Variants in PTPRD observed in about 807,000 individuals in gnomAD.
PTPRD encodes the protein protein tyrosine phosphatase receptor type D.
PTPRD carries 34 observed loss-of-function variants against 214.5 expected under a neutral mutation model. The observed-to-expected ratio is 0.16, with a 90% CI of 0.12 to 0.21. PTPRD has a LOEUF of 0.21. Among genes scored for constraint, PTPRD ranks in the 10% least tolerant of loss-of-function variants. The pLI is 1.00. For missense variants in PTPRD, 2,545 were observed against 2,398.7 expected (o/e 1.06, Z -1.27); for synonymous variants, 1,128 against 845.7 (o/e 1.33, Z -5.79).
chr9:10,490,621 C>T (rs921853677), intron 2 of PTPRD, among the ~76,000 whole-genome samples: 2 of 152,074 alleles, frequency 1.3e-5, no homozygotes, highest in African/African-American at 4.8e-5. Flanking sequence ...GCAATCTGGT[C>T]TCAATTTGCT....
At chr9:8,538,652 C>T (rs2077554331) in intron 14 of PTPRD, among the ~76,000 whole-genome samples, 1 of 151,030 alleles carries the variant, frequency 6.6e-6, no homozygotes, top group South Asian at 2.1e-4. Context: ...TATACATATA[C>T]TATACATATT....
intron 9 of PTPRD, among the ~76,000 whole-genome samples, chr9:9,218,292 G>C (rs1218306107): frequency 6.6e-6 from 1 of 152,096 alleles, no homozygotes; most frequent in Non-Finnish European, 1.5e-5. Context: ...ATCCGGATTA[G>C]ATAGGCCTTG....
At chr9:9,173,714 G>A (rs11792126) in intron 10 of PTPRD, among the ~76,000 whole-genome samples, 11,030 of 152,142 alleles carry the variant, frequency 0.072, 447 homozygotes, top group Middle Eastern at 0.15. Context: ...CAGGACCACT[G>A]CTGTATATGC....
intron 3 of PTPRD, among the ~76,000 whole-genome samples, chr9:10,164,199 T>A (rs187018226): frequency 6.6e-6 from 1 of 151,686 alleles, no homozygotes; most frequent in Admixed American, 6.6e-5. Context: ...ACACATATAA[T>A]AATATCTTCA....
At chr9:10,364,039 G>T (rs1218185324) in intron 2 of PTPRD, among the ~76,000 whole-genome samples, 1 of 105,448 alleles carries the variant, frequency 9.5e-6, no homozygotes, top group Non-Finnish European at 1.7e-5. Context: ...TTGCTCTGTT[G>T]CCCAGGCTGG....
intron 3 of PTPRD, among the ~76,000 whole-genome samples, chr9:10,144,361 T>A (rs1470744506): frequency 1.3e-5 from 2 of 152,068 alleles, no homozygotes; most frequent in African/African-American, 2.4e-5. Flanking sequence ...TAAGGTAAGA[T>A]GAAGAATTGG....
chr9:8,929,747 A>ATATATATGTGTG (rs1567060797), intron 11 of PTPRD, among the ~76,000 whole-genome samples: 67 of 61,618 alleles, frequency 1.1e-3, no homozygotes, highest in Middle Eastern at 9.1e-3. Context: ...ATATATGTGT[A>ATATATATGTGTG]TATATATATG....
intron 7 of PTPRD, among the ~76,000 whole-genome samples, chr9:9,707,906 C>G (rs903401736): frequency 1.1e-4 from 17 of 151,922 alleles, no homozygotes; most frequent in Non-Finnish European, 7.4e-5. Flanking sequence ...ATTATTTTCT[C>G]TCTTTCATTG....
At chr9:8,879,615 A>G (rs1371413477) in intron 11 of PTPRD, among the ~76,000 whole-genome samples, 3 of 152,184 alleles carry the variant, frequency 2.0e-5, no homozygotes, top group Non-Finnish European at 4.4e-5. Flanking sequence ...TGAATTATAG[A>G]TTTATCAAAA....
At chr9:8,967,924 C>A (rs1589046411) in intron 11 of PTPRD, among the ~76,000 whole-genome samples, 1 of 152,048 alleles carries the variant, frequency 6.6e-6, no homozygotes, top group African/African-American at 2.4e-5. Flanking sequence ...CCACGAGAGG[C>A]CCCGGTGTGT....
chr9:10,060,582 A>G (rs2097743837), intron 3 of PTPRD, among the ~76,000 whole-genome samples: 1 of 151,994 alleles, frequency 6.6e-6, no homozygotes. Flanking sequence ...AATGTACATA[A>G]AAGGGAAATA....
chr9:9,555,767 CATT>C (rs748276892), intron 8 of PTPRD, among the ~76,000 whole-genome samples: 7 of 152,002 alleles, frequency 4.6e-5, no homozygotes, highest in Non-Finnish European at 8.8e-5. Context: ...GTACCTTTCC[CATT>C]ATATTATATG....
chr9:8,760,022 T>G (rs779420300), intron 11 of PTPRD, among the ~76,000 whole-genome samples: 2 of 152,216 alleles, frequency 1.3e-5, no homozygotes, highest in Non-Finnish European at 2.9e-5. Context: ...TCTCCTCAGA[T>G]GTGGGACTCA....
At chr9:10,440,953 A>G (rs1185493534) in intron 2 of PTPRD, among the ~76,000 whole-genome samples, 1 of 151,784 alleles carries the variant, frequency 6.6e-6, no homozygotes, top group African/African-American at 2.4e-5. Flanking sequence ...CACACTTAGT[A>G]CCTCTATTTT....
At chr9:9,278,389 A>C (rs1467159221) in intron 9 of PTPRD, among the ~76,000 whole-genome samples, 1 of 151,408 alleles carries the variant, frequency 6.6e-6, no homozygotes, top group Non-Finnish European at 1.5e-5. Context: ...CAGCCTTATA[A>C]AATTTTAAGA....
chr9:8,778,784 T>G (rs1245278916), intron 11 of PTPRD, among the ~76,000 whole-genome samples: 2 of 152,204 alleles, frequency 1.3e-5, no homozygotes, highest in Non-Finnish European at 2.9e-5. Flanking sequence ...TCATCCACTC[T>G]GAGCTTCAGT....
intron 5 of PTPRD, among the ~76,000 whole-genome samples, chr9:9,836,042 A>T (rs2056652497): frequency 6.6e-6 from 1 of 152,180 alleles, no homozygotes; most frequent in Non-Finnish European, 1.5e-5. Flanking sequence ...TTAAAAGTGT[A>T]TGTTACTGCT....
At chr9:10,399,994 T>C (rs1050895722) in intron 2 of PTPRD, among the ~76,000 whole-genome samples, 1 of 151,850 alleles carries the variant, frequency 6.6e-6, no homozygotes, top group African/African-American at 2.4e-5. Context: ...TAACATCAGA[T>C]TTTTATTTCA....
At chr9:9,653,130 C>T (rs1232186118) in intron 7 of PTPRD, among the ~76,000 whole-genome samples, 1 of 148,756 alleles carries the variant, frequency 6.7e-6, no homozygotes, top group African/African-American at 2.6e-5. Context: ...ATCATGAGGT[C>T]AGGAGATCGA....
Sources: gnomAD v4.1 joint callset for allele counts (sites outside exome capture counted in the v4.1 genomes callset) on GRCh38, gnomAD v4.1.1 for gene constraint, MANE v1.5 for transcripts, NCBI Gene and HGNC (gene_info 2026-07-23, HGNC 2026-07-21) for gene names.